The following WIPI1 variants were observed in gnomAD, a reference collection of about 807,000 sequenced individuals.
The protein encoded by WIPI1 is WD repeat domain, phosphoinositide interacting 1, also known as WD repeat domain phosphoinositide-interacting protein 1.
A neutral mutation model predicts 55.3 loss-of-function variants in WIPI1; 45 were observed. The observed-to-expected ratio is 0.81, with a 90% CI of 0.64 to 1.04. WIPI1 has a LOEUF of 1.04. WIPI1 is among the 50% of genes least tolerant of loss of function. The probability of loss-of-function intolerance (pLI) is 0.00; values close to 1 mark genes in which losing one functional copy is unlikely to be tolerated. For missense variants in WIPI1, 445 were observed against 559.0 expected (o/e 0.80, Z 2.06); for synonymous variants, 195 against 217.6 (o/e 0.90, Z 0.92).
At chr17:68,449,007 T>C (rs2084392535) in intron 3 of WIPI1, among the ~76,000 whole-genome samples, 1 of 152,226 alleles carries the variant, frequency 6.6e-6, no homozygotes, top group South Asian at 2.1e-4. Flanking sequence ...TGGATTTTCA[T>C]TTGAAAGAGT....
In WIPI1 at chr17:68,428,891, G is replaced by A. The variant is rs750355563; in HGVS notation, c.1011C>T (p.His337=). The change falls in exon 10 of 13, where the codon CAC becomes CAT. Residue 337 remains histidine (H), a synonymous_variant. Transcript: ENST00000262139. ...GAGGATCCAAATTGTACATATAAAG[G>A]TGTCCACTGGATGACGCAACTAGCA... ...PRLLVASSSG[H]LYMYNLDPQD... is the part of the protein sequence containing the mutation. 6.2e-7 allele frequency: 1 copy of A among 1,614,156 alleles called. No individual in the cohort carries two copies. Among genetic ancestry groups the A allele is most frequent in the Non-Finnish European group, 8.5e-7 (1 of 1,180,030 alleles).
At chr17:68,430,395 C>T (rs759950152) in intron 8 of WIPI1, among the ~76,000 whole-genome samples, 3 of 152,164 alleles carry the variant, frequency 2.0e-5, no homozygotes, top group Non-Finnish European at 4.4e-5. Context: ...TTAAAAGGTT[C>T]CCAATGCTAC....
rs35370218 is a variant in WIPI1, at chr17:68,435,206, C to CAAAAA, written c.621+409_621+413dup. Among the ~76,000 whole-genome samples, 48 of 139,224 alleles carry CAAAAA rather than the reference C, an allele frequency of 3.4e-4. No individual in the cohort carries two copies. The East Asian group carries it at 8.2e-3, about 24-fold the overall frequency. The allele number at this position is 139,224 out of a possible 152,430, so 91.3% of individuals were successfully genotyped here. A position where few individuals can be genotyped will look rare whatever the true frequency, so the allele number is the denominator to read the frequency against. On this transcript the variant is annotated intron_variant, in intron 6 of 12. Coordinates refer to ENST00000262139, the MANE Select transcript of WIPI1 (RefSeq NM_017983.7). ...TGGGCGACAGAGCTAGACTCCACCTCAAAAAAAAAAAAAAAATTCAATTGG... is the reference window on the plus strand; with the variant it reads ...TGGGCGACAGAGCTAGACTCCACCTCAAAAAAAAAAAAAAAAAAAAATTCAATTGG...
At chr17:68,434,503 C>A in intron 7 of WIPI1, 53 bp downstream of exon 7, 2 of 1,599,014 alleles carry the variant, frequency 1.3e-6, no homozygotes, top group South Asian at 2.2e-5. Context: ...TGCCAGCGGT[C>A]CCTGCGGGAC....
At chr17:68,425,473 G>A (rs1361787829) in intron 12 of WIPI1, among the ~76,000 whole-genome samples, 7 of 148,812 alleles carry the variant, frequency 4.7e-5, no homozygotes, top group African/African-American at 1.7e-4. Context: ...CTCCAGCCTC[G>A]GCCTCCCAAA....
rs146213184 is a variant in WIPI1 at position 68,457,431 on chromosome 17, GGCCCGGGAA to G, written c.-19_-11del. The G allele has an allele frequency of 0.47, 705,174 of 1,494,018 alleles. 169,564 individuals carry two copies. The highest frequency in any genetic ancestry group is 0.5 in the South Asian group (39,337 of 78,888). The allele number at this position is 1,494,018 out of a possible 1,614,324, so 92.5% of individuals were successfully genotyped here. A position where few individuals can be genotyped will look rare whatever the true frequency, so the allele number is the denominator to read the frequency against. On this transcript the variant is annotated 5_prime_UTR_variant, in exon 1 of 13. Coordinates refer to ENST00000262139, the MANE Select transcript of WIPI1 (RefSeq NM_017983.7). ...CGGCCTCGGCCTCCATCGGGGGCTC[GGCCCGGGAA>G]GCCGCAGCTCGGAGCCGGCGACAGC...
chr17:68,443,386 T>C (rs2084160870), intron 4 of WIPI1, among the ~76,000 whole-genome samples: 1 of 152,198 alleles, frequency 6.6e-6, no homozygotes, highest in Non-Finnish European at 1.5e-5. Context: ...GTGCTGCGAT[T>C]ATAGGTGTGA....
chr17:68,450,628 G>T, intron 3 of WIPI1, 100 bp downstream of exon 3: 2 of 1,434,170 alleles, frequency 1.4e-6, no homozygotes, highest in African/African-American at 1.4e-5. Flanking sequence ...CATTAGAATT[G>T]GAAGCTTGTT....
rs1200050308 is a variant in WIPI1 at position 68,455,386 on chromosome 17, C to T, written c.80+1956G>A. 2.0e-5 allele frequency among the ~76,000 whole-genome samples: 3 copies of T among 150,088 alleles called. No individual in the cohort carries two copies. The South Asian group carries it at 6.3e-4, about 31-fold the overall frequency. ...CAAAAAAAAAAAAAAAAAAAGTACC[C>T]AAAGTGTATAGCACAAGTACCAATC... On this transcript the variant is annotated intron_variant, in intron 1 of 12. Transcript: ENST00000262139.
chr17:68,454,980 T>G (rs1032073680), intron 1 of WIPI1, among the ~76,000 whole-genome samples: 3 of 152,198 alleles, frequency 2.0e-5, no homozygotes, highest in African/African-American at 7.2e-5. Context: ...ATTTCATCCA[T>G]AAAGTCTTTC....
At chr17:68,438,696 G>A (rs1282653082) in intron 4 of WIPI1, among the ~76,000 whole-genome samples, 1 of 152,224 alleles carries the variant, frequency 6.6e-6, no homozygotes, top group African/African-American at 2.4e-5. Context: ...CGCCTCTTTG[G>A]TTCAAGCGAT....
intron 4 of WIPI1, among the ~76,000 whole-genome samples, chr17:68,442,794 C>T (rs1044511863): frequency 6.6e-6 from 1 of 152,188 alleles, no homozygotes; most frequent in African/African-American, 2.4e-5. Context: ...ATGGTTCCAC[C>T]CCTGCCAAAG....
At chr17:68,454,060 C>G (rs948243510) in intron 1 of WIPI1, among the ~76,000 whole-genome samples, 3 of 152,044 alleles carry the variant, frequency 2.0e-5, no homozygotes, top group Non-Finnish European at 2.9e-5. Flanking sequence ...ATCAAAGTGC[C>G]TCTTAAAAAA....
intron 10 of WIPI1, chr17:68,428,534 C>G (rs561763363): frequency 3.9e-6 from 1 of 255,806 alleles, no homozygotes; most frequent in East Asian, 9.5e-5. Flanking sequence ...CACCTGGTGG[C>G]AGGGAATATT....
At chr17:68,437,045 G>A (rs2083843704) in intron 4 of WIPI1, among the ~76,000 whole-genome samples, 1 of 62,494 alleles carries the variant, frequency 1.6e-5, no homozygotes, top group African/African-American at 8.0e-5. Context: ...TGTATATATT[G>A]CTCATTTTTA....
At chr17:68,424,429 A>G (rs1006800130) in intron 12 of WIPI1, 3 of 534,680 alleles carry the variant, frequency 5.6e-6, no homozygotes, top group South Asian at 2.8e-5. Flanking sequence ...AAGAAGCCAG[A>G]CCTGCACTCC....
chr17:68,457,225 C>T, intron 1 of WIPI1, 117 bp downstream of exon 1: 3 of 1,249,238 alleles, frequency 2.4e-6, no homozygotes, highest in Non-Finnish European at 3.3e-6. Context: ...AAGCAGACAC[C>T]GGCCCTCCCG....
At chr17:68,455,706 C>T (rs971886674) in intron 1 of WIPI1, among the ~76,000 whole-genome samples, 3 of 152,170 alleles carry the variant, frequency 2.0e-5, no homozygotes, top group Non-Finnish European at 4.4e-5. Context: ...TTTCAAAGCA[C>T]CCTACCGTTT....
At chr17:68,451,437 A>C (rs2084496731) in intron 2 of WIPI1, among the ~76,000 whole-genome samples, 1 of 152,202 alleles carries the variant, frequency 6.6e-6, no homozygotes, top group Non-Finnish European at 1.5e-5. Flanking sequence ...CGTCTCAAGA[A>C]AAGAAAAAGA....
Sources: gnomAD v4.1 joint callset for allele counts (sites outside exome capture counted in the v4.1 genomes callset) on GRCh38, gnomAD v4.1.1 for gene constraint, MANE v1.5 for transcripts, NCBI Gene and HGNC (gene_info 2026-07-23, HGNC 2026-07-21) for gene names.